Variants in TASP1 observed in about 807,000 individuals in gnomAD.
TASP1 encodes taspase 1.
A neutral mutation model predicts 56.6 loss-of-function variants in TASP1; 16 were observed. The ratio of observed to expected loss-of-function variants is 0.28; its 90% CI spans 0.19 to 0.43. The LOEUF (loss-of-function observed/expected upper bound fraction) is 0.43, where lower values mean the gene tolerates loss of function less well. TASP1 is among the 20% of genes least tolerant of loss of function. The pLI, the probability that TASP1 is intolerant of heterozygous loss-of-function variation, is 1.00. For synonymous variants in TASP1, 179 were observed against 184.2 expected (o/e 0.97, Z 0.23); for missense variants, 393 against 511.6 (o/e 0.77, Z 2.24).
At chr20:13,142,413 T>C in the TASP1 span, among the ~76,000 whole-genome samples, 914 of 152,268 alleles carry the variant, frequency 6.0e-3, 9 homozygotes, top group African/African-American at 0.02. Context: ...GGAAAGAACA[T>C]TATTCCATCT....
At chr20:13,589,986 C>T (rs963884016) in intron 4 of TASP1, among the ~76,000 whole-genome samples, 30 of 152,130 alleles carry the variant, frequency 2.0e-4, no homozygotes, top group African/African-American at 6.8e-4. Flanking sequence ...AATCCCAGCA[C>T]TTTGGGAGGC....
At chr20:13,610,171 G>A (rs573971647) in intron 4 of TASP1, among the ~76,000 whole-genome samples, 32 of 152,196 alleles carry the variant, frequency 2.1e-4, no homozygotes, top group Non-Finnish European at 3.8e-4. Context: ...AGATAAAAAT[G>A]TTTGGAACTG....
intron 4 of TASP1, among the ~76,000 whole-genome samples, chr20:13,589,019 C>A (rs1044418275): frequency 6.6e-6 from 1 of 150,982 alleles, no homozygotes; most frequent in Non-Finnish European, 1.5e-5. Flanking sequence ...AACAAGGTTG[C>A]CACAACAATT....
chr20:13,274,059 T>TTGTG, the TASP1 span, among the ~76,000 whole-genome samples: 83,712 of 150,610 alleles, frequency 0.56, 23,223 homozygotes, highest in South Asian at 0.64. Flanking sequence ...TGGCGTGTAA[T>TTGTG]TGTGTGTGTG....
At chr20:13,199,412 T>A in the TASP1 span, among the ~76,000 whole-genome samples, 1 of 152,038 alleles carries the variant, frequency 6.6e-6, no homozygotes, top group Non-Finnish European at 1.5e-5. Context: ...CCTCCCTCCA[T>A]GCATTCAAAA....
chr20:13,170,648 T>C, the TASP1 span, among the ~76,000 whole-genome samples: 2 of 152,234 alleles, frequency 1.3e-5, no homozygotes, highest in South Asian at 2.1e-4. Flanking sequence ...CTAATTTTTA[T>C]ATCAAAAGTA....
chr20:13,391,071 A>G lies in TASP1; in HGVS notation c.1171-619T>C, dbSNP rs539551403. On this transcript the variant is annotated intron_variant, in intron 13 of 13. Coordinates refer to ENST00000337743, the MANE Select transcript of TASP1 (RefSeq NM_017714.3). ...AGGCAAGCCTGCTGCCCTGTCTCTCAGTTTCCTAGCAGCAGAGATCAGGTA... is the reference window on the plus strand; with the variant it reads ...AGGCAAGCCTGCTGCCCTGTCTCTCGGTTTCCTAGCAGCAGAGATCAGGTA... Among the ~76,000 whole-genome samples, 21 of 152,308 alleles carry G rather than the reference A, an allele frequency of 1.4e-4. 1 individual carries two copies. The highest frequency in any genetic ancestry group is 4.8e-4 in the African/African-American group (20 of 41,574).
intron 12 of TASP1, among the ~76,000 whole-genome samples, chr20:13,418,910 C>T (rs1360842757): frequency 6.6e-6 from 1 of 152,172 alleles, no homozygotes; most frequent in Non-Finnish European, 1.5e-5. Flanking sequence ...GGTTTGAACT[C>T]TTCAAAAATG....
At chr20:13,506,897 A>C (rs1367380827) in intron 10 of TASP1, among the ~76,000 whole-genome samples, 1 of 140,340 alleles carries the variant, frequency 7.1e-6, no homozygotes, top group Non-Finnish European at 1.5e-5. Flanking sequence ...AAAAAACAAA[A>C]GAGAGAGAAT....
intron 13 of TASP1, among the ~76,000 whole-genome samples, chr20:13,415,355 T>A (rs2146049539): frequency 1.3e-5 from 2 of 152,176 alleles, no homozygotes; most frequent in Admixed American, 1.3e-4. Context: ...TACAAAAAAA[T>A]TCTAGCATTT....
At chr20:13,334,388 G>A in the TASP1 span, among the ~76,000 whole-genome samples, 18 of 152,300 alleles carry the variant, frequency 1.2e-4, no homozygotes, top group South Asian at 8.3e-4. Context: ...TGAAACTGTC[G>A]TAGTATAGAA....
the TASP1 span, among the ~76,000 whole-genome samples, chr20:13,153,751 G>A: frequency 1.3e-5 from 2 of 152,082 alleles, no homozygotes; most frequent in Non-Finnish European, 1.5e-5. Context: ...GCCCTCTAGC[G>A]TATCCTGGCT....
intron 10 of TASP1, among the ~76,000 whole-genome samples, chr20:13,510,946 T>A (rs2146715322): frequency 6.6e-6 from 1 of 152,306 alleles, no homozygotes; most frequent in Admixed American, 6.5e-5. Context: ...CCTACACATC[T>A]ACTCCCTTCT....
chr20:13,164,474 A>G, the TASP1 span: 19 of 527,492 alleles, frequency 3.6e-5, no homozygotes, highest in African/African-American at 3.1e-4. Flanking sequence ...AAGGGTAAGC[A>G]TGGGTCACAT....
At position 13,592,883 on chromosome 20, in the gene TASP1, G is replaced by A. The variant is rs1601373368; in HGVS notation, c.283-5513C>T. 2.6e-5 allele frequency among the ~76,000 whole-genome samples: 4 copies of A among 152,144 alleles called. No homozygotes were observed. The South Asian group carries it at 6.2e-4, about 24-fold the overall frequency. The stretch of plus-strand genomic sequence containing the variant: ...CAGAATGAGGAACATCATCCCTCTT[G>A]AATATACATGCAAAAATCCTTAACA... On this transcript the variant is annotated intron_variant, in intron 4 of 13. Coordinates refer to ENST00000337743, the MANE Select transcript of TASP1 (RefSeq NM_017714.3).
chr20:13,531,720 G>A (rs2045227560), intron 9 of TASP1, among the ~76,000 whole-genome samples: 1 of 152,038 alleles, frequency 6.6e-6, no homozygotes, highest in Admixed American at 6.6e-5. Flanking sequence ...CTGGAGTGCA[G>A]TAGCGAGATC....
chr20:13,416,637 T>A (rs574686889), intron 13 of TASP1, among the ~76,000 whole-genome samples: 2 of 152,226 alleles, frequency 1.3e-5, no homozygotes, highest in Non-Finnish European at 2.9e-5. Flanking sequence ...GCAAAATAAA[T>A]CATTTCTTTT....
At chr20:13,398,372 T>TA (rs1409323068) in intron 13 of TASP1, among the ~76,000 whole-genome samples, 10 of 150,706 alleles carry the variant, frequency 6.6e-5, no homozygotes, top group South Asian at 2.1e-4. Context: ...TGCTCTCTCT[T>TA]TAAAAAAAAA....
At chr20:13,309,247 T>A in the TASP1 span, among the ~76,000 whole-genome samples, 1 of 151,006 alleles carries the variant, frequency 6.6e-6, no homozygotes, top group Non-Finnish European at 1.5e-5. Flanking sequence ...AGTGAGTGGG[T>A]GGAGGAGGGG....
Sources: allele counts gnomAD v4.1 joint callset (sites outside exome capture counted in the v4.1 genomes callset), GRCh38; gene constraint gnomAD v4.1.1; transcripts MANE v1.5; gene names NCBI Gene and HGNC (gene_info 2026-07-23, HGNC 2026-07-21).